The following MEF2C variants were observed in gnomAD, a reference collection of about 807,000 sequenced individuals.
The protein encoded by MEF2C is myocyte-specific enhancer factor 2C.
Under a neutral mutation model 50.5 loss-of-function variants are expected in MEF2C, and 6 were observed. That is an observed-to-expected ratio of 0.12 (90% CI 0.07 to 0.23). The LOEUF (loss-of-function observed/expected upper bound fraction) is 0.23, where lower values mean the gene tolerates loss of function less well. Ranked by LOEUF, MEF2C falls within the 10% of genes least tolerant of loss-of-function variation. The probability of loss-of-function intolerance (pLI) is 1.00; values close to 1 mark genes in which losing one functional copy is unlikely to be tolerated. For synonymous variants in MEF2C, 183 were observed against 228.0 expected (o/e 0.80, Z 1.78); for missense variants, 276 against 605.0 (o/e 0.46, Z 5.70).
At chr5:88,769,577 A>C (rs1203488067) in intron 3 of MEF2C, among the ~76,000 whole-genome samples, 1 of 152,224 alleles carries the variant, frequency 6.6e-6, no homozygotes, top group East Asian at 1.9e-4. Flanking sequence ...AAGAGAGAAC[A>C]TTTAATATAT....
chr5:88,750,792 C>T (rs1484308473), intron 5 of MEF2C, among the ~76,000 whole-genome samples: 2 of 152,044 alleles, frequency 1.3e-5, no homozygotes, highest in Admixed American at 6.5e-5. Flanking sequence ...CTATATAAAG[C>T]TTCTGTAACA....
At chr5:88,839,351 C>CTCTCTCTCTCTATCTA (rs10694803) in intron 1 of MEF2C, 22 of 146,396 alleles carry the variant, frequency 1.5e-4, no homozygotes, top group African/African-American at 5.5e-4. Flanking sequence ...CTCTCTCTCT[C>CTCTCTCTCTCTATCTA]TCTATCTATC....
At chr5:88,887,770 A>C (rs954996358), upstream of MEF2C, among the ~76,000 whole-genome samples, 1 of 152,242 alleles carries the variant, frequency 6.6e-6, no homozygotes, top group Non-Finnish European at 1.5e-5. Flanking sequence ...TGTGATAATA[A>C]TCTTTAACAT....
chr5:88,868,221 GA>G (rs1177915148), intron 1 of MEF2C, among the ~76,000 whole-genome samples: 1 of 152,026 alleles, frequency 6.6e-6, no homozygotes, highest in Non-Finnish European at 1.5e-5. Flanking sequence ...AAAGCTGGGG[GA>G]AAAATATCTG....
chr5:88,812,901 T>C (rs923107758), intron 2 of MEF2C, among the ~76,000 whole-genome samples: 1 of 152,150 alleles, frequency 6.6e-6, no homozygotes, highest in African/African-American at 2.4e-5. Flanking sequence ...AGTCAACTGT[T>C]TATTGAGCAG....
At chr5:88,845,909 A>G (rs983571868) in intron 1 of MEF2C, among the ~76,000 whole-genome samples, 2 of 151,832 alleles carry the variant, frequency 1.3e-5, no homozygotes, top group African/African-American at 4.8e-5. Flanking sequence ...TTTGGTGCTG[A>G]TAATTTTTAT....
intron 1 of MEF2C, among the ~76,000 whole-genome samples, chr5:88,847,422 C>G (rs921176994): frequency 6.6e-6 from 1 of 152,148 alleles, no homozygotes; most frequent in Non-Finnish European, 1.5e-5. Flanking sequence ...ATTATAATAT[C>G]TGGAAATTTA....
chr5:88,865,899 T>C lies in MEF2C; in HGVS notation c.-143+17056A>G, dbSNP rs935762717. Among the ~76,000 whole-genome samples, 9 of 152,136 alleles carry C rather than the reference T, an allele frequency of 5.9e-5. No homozygotes were observed. In the East Asian group the frequency reaches 1.3e-3, roughly 23 times the overall value. On this transcript the variant is annotated intron_variant, in intron 1 of 10. Coordinates refer to ENST00000504921, the MANE Select transcript of MEF2C (RefSeq NM_002397.5). ...CTTTAAGTCACATTTCTTTTCTTTT[T>C]TTTTTTTTTCTTTTGAGATGGAGTC...
chr5:88,757,977 A>G (rs1254760460), intron 4 of MEF2C, among the ~76,000 whole-genome samples: 2 of 151,880 alleles, frequency 1.3e-5, no homozygotes, highest in Non-Finnish European at 2.9e-5. Context: ...TACTCAGCGT[A>G]ATTCTACCCA....
intron 4 of MEF2C, among the ~76,000 whole-genome samples, chr5:88,754,576 G>A (rs971230800): frequency 1.3e-5 from 2 of 152,128 alleles, no homozygotes; most frequent in Non-Finnish European, 2.9e-5. Context: ...GGAGCATTTT[G>A]GAAATCTGTT....
At chr5:88,884,237 C>T (rs1833756471), upstream of MEF2C, 1 of 152,178 alleles carries the variant, frequency 6.6e-6, no homozygotes, top group Admixed American at 6.5e-5. Flanking sequence ...GGAGCGCGAC[C>T]CTAATAGTTG....
intron 3 of MEF2C, among the ~76,000 whole-genome samples, chr5:88,773,178 C>A (rs1783167938): frequency 6.6e-6 from 1 of 152,132 alleles, no homozygotes; most frequent in Admixed American, 6.5e-5. Flanking sequence ...ATGTTCCCAG[C>A]ACATGGATGA....
intron 6 of MEF2C, chr5:88,746,467 G>T: frequency 2.1e-6 from 2 of 951,662 alleles, no homozygotes; most frequent in Non-Finnish European, 2.5e-6. Context: ...AACAAAGTGA[G>T]ATGACTTGAT....
chr5:88,807,396 T>C (rs11959216), intron 2 of MEF2C, among the ~76,000 whole-genome samples: 12,235 of 152,134 alleles, frequency 0.08, 585 homozygotes, highest in Non-Finnish European at 0.099. Flanking sequence ...GGCTTTATCT[T>C]TGTTTGTATT....
At chr5:88,737,286 C>T (rs1764519931) in intron 6 of MEF2C, 2 of 985,144 alleles carry the variant, frequency 2.0e-6, no homozygotes, top group Admixed American at 6.2e-5. Flanking sequence ...TGCTTATCTA[C>T]CATATATATG....
exon 1 of MEF2C, chr5:88,903,944 G>T (rs1835917483): frequency 6.6e-6 from 1 of 151,910 alleles, no homozygotes; most frequent in African/African-American, 2.4e-5. Flanking sequence ...CCAGGAAGTT[G>T]TACCCGTCAG....
chr5:88,741,430 T>C (rs947946640), intron 6 of MEF2C: 19 of 985,298 alleles, frequency 1.9e-5, no homozygotes, highest in South Asian at 4.7e-5. Flanking sequence ...AATTTGTATA[T>C]CACATACTTT....
chr5:88,878,493 A>G (rs967583457), intron 1 of MEF2C, among the ~76,000 whole-genome samples: 1 of 152,040 alleles, frequency 6.6e-6, no homozygotes, highest in African/African-American at 2.4e-5. Flanking sequence ...AACTCACACC[A>G]AAGTTGGCAC....
chr5:88,735,888 T>A, intron 6 of MEF2C: 1 of 985,422 alleles, frequency 1.0e-6, no homozygotes. Flanking sequence ...AAACTTTCTT[T>A]TATTTGGATG....
Sources: allele counts gnomAD v4.1 joint callset (sites outside exome capture counted in the v4.1 genomes callset), GRCh38; gene constraint gnomAD v4.1.1; transcripts MANE v1.5; gene names NCBI Gene and HGNC (gene_info 2026-07-23, HGNC 2026-07-21).